The following FBXL5 variants were observed in gnomAD, a reference collection of about 807,000 sequenced individuals.
The protein encoded by FBXL5 is F-box/LRR-repeat protein 5.
Under a neutral mutation model 78.3 loss-of-function variants are expected in FBXL5, and 26 were observed. The observed-to-expected ratio is 0.33, with a 90% CI of 0.24 to 0.46. The LOEUF (loss-of-function observed/expected upper bound fraction) is 0.46. Among genes scored for constraint, FBXL5 ranks in the 20% least tolerant of loss-of-function variants. The pLI is 1.00. For missense variants in FBXL5, 710 were observed against 829.2 expected (o/e 0.86, Z 1.77); for synonymous variants, 295 against 282.5 (o/e 1.04, Z -0.45).
rs1175371702 is a variant in FBXL5 at position 15,612,418 on chromosome 4, T to G, written c.1851-4A>C. 6.3e-7 allele frequency: 1 copy of G among 1,592,506 alleles called. No individual in the cohort carries two copies. Among genetic ancestry groups the G allele is most frequent in the Admixed American group, 1.8e-5 (1 of 56,600 alleles). On this transcript the variant is annotated splice_region_variant and splice_polypyrimidine_tract_variant and intron_variant, in intron 9 of 10. Transcript: ENST00000341285. ...CCCTCCTCCCAGAGTCAAAACCCTG[T>G]AAGAAAAATAATTTGACAATTAGAA... is the stretch of plus-strand genomic sequence containing the variant.
intron 1 of FBXL5, among the ~76,000 whole-genome samples, chr4:15,667,246 T>C (rs969448395): frequency 1.3e-5 from 2 of 152,206 alleles, no homozygotes; most frequent in Non-Finnish European, 2.9e-5. Flanking sequence ...TTAACCTTGA[T>C]GGCAGTCCAT....
At chr4:15,607,089 T>C (rs2148508698) in intron 10 of FBXL5, among the ~76,000 whole-genome samples, 1 of 152,246 alleles carries the variant, frequency 6.6e-6, no homozygotes, top group Non-Finnish European at 1.5e-5. Context: ...ATTACGCAAA[T>C]ATGTGGAACT....
At chr4:15,610,285 T>C (rs367786398) in intron 10 of FBXL5, among the ~76,000 whole-genome samples, 3 of 152,110 alleles carry the variant, frequency 2.0e-5, no homozygotes, top group South Asian at 2.1e-4. Flanking sequence ...TGAGAGAGCA[T>C]TGCTTTAAGA....
intron 5 of FBXL5, among the ~76,000 whole-genome samples, chr4:15,635,635 C>T (rs62290592): frequency 0.022 from 3,312 of 151,878 alleles, 58 homozygotes; most frequent in Non-Finnish European, 0.033. Context: ...CGCCTGTAAT[C>T]CCAGCTACTT....
upstream of FBXL5, among the ~76,000 whole-genome samples, chr4:15,662,628 G>A (rs1417726467): frequency 2.6e-5 from 4 of 152,124 alleles, no homozygotes; most frequent in Non-Finnish European, 4.4e-5. Flanking sequence ...TGAGCCTCTC[G>A]TCACCATTCC....
At chr4:15,633,728 G>A (rs1162010310) in intron 5 of FBXL5, among the ~76,000 whole-genome samples, 9 of 152,092 alleles carry the variant, frequency 5.9e-5, no homozygotes, top group African/African-American at 2.2e-4. Context: ...AAGTAGCTGG[G>A]ATAACAGGAA....
intron 1 of FBXL5, among the ~76,000 whole-genome samples, chr4:15,646,487 A>T (rs1203592761): frequency 6.6e-6 from 1 of 151,900 alleles, no homozygotes; most frequent in Non-Finnish European, 1.5e-5. Context: ...CAAACTTAAA[A>T]ATAGCCTTAG....
At chr4:15,614,780 A>G (rs4698116) in intron 9 of FBXL5, among the ~76,000 whole-genome samples, 114,807 of 152,032 alleles carry the variant, frequency 0.76, 43,617 homozygotes, top group East Asian at 0.91. Flanking sequence ...GCTTGCTCTC[A>G]GCACCTCCTC....
At chr4:15,612,543 A>G (rs1722341404) in intron 9 of FBXL5, 129 bp from the exon 10 acceptor site, 3 of 796,642 alleles carry the variant, frequency 3.8e-6, no homozygotes, top group Non-Finnish European at 5.8e-6. Context: ...AATTTCTGTA[A>G]AACACTGATA....
At chr4:15,615,116 G>A (rs945988876) in intron 9 of FBXL5, among the ~76,000 whole-genome samples, 8 of 152,168 alleles carry the variant, frequency 5.3e-5, no homozygotes, top group East Asian at 1.9e-4. Flanking sequence ...CCGGCACCGC[G>A]CTCGATTTCT....
chr4:15,628,188 A>G (rs539295378), intron 6 of FBXL5, among the ~76,000 whole-genome samples, 155 bp from the exon 7 acceptor site: 8 of 152,286 alleles, frequency 5.3e-5, no homozygotes, highest in Admixed American at 3.3e-4. Flanking sequence ...AAGGTTTTGG[A>G]AAAAAATGTG....
At chr4:15,627,129 C>CTTTTTTTTT (rs1491071832) in intron 7 of FBXL5, among the ~76,000 whole-genome samples, 174 bp from the exon 8 acceptor site, 2 of 85,660 alleles carry the variant, frequency 2.3e-5, no homozygotes, top group African/African-American at 5.1e-5. Context: ...CCCTGAGAAT[C>CTTTTTTTTT]TCTTTTTTTT....
At chr4:15,650,347 T>G (rs1367961000) in intron 1 of FBXL5, among the ~76,000 whole-genome samples, 4 of 152,166 alleles carry the variant, frequency 2.6e-5, no homozygotes, top group Non-Finnish European at 5.9e-5. Flanking sequence ...CACAAACACT[T>G]CAAACAAATT....
intron 1 of FBXL5, among the ~76,000 whole-genome samples, chr4:15,650,657 CTTTCTT>C (rs1464373885): frequency 6.0e-5 from 8 of 132,634 alleles, no homozygotes; most frequent in East Asian, 2.3e-4. Flanking sequence ...TTATAACTGA[CTTTCTT>C]TTTTTTTTTT....
intron 8 of FBXL5, 47 bp downstream of exon 8, chr4:15,626,826 T>A (rs1221942303): frequency 7.6e-7 from 1 of 1,318,148 alleles, no homozygotes; most frequent in Non-Finnish European, 1.0e-6. Flanking sequence ...AAATGAAACC[T>A]TATAAAATAG....
intron 3 of FBXL5, 60 bp from the exon 4 acceptor site, chr4:15,638,754 C>A: frequency 9.2e-7 from 1 of 1,088,162 alleles, no homozygotes. Flanking sequence ...TTACTCTAAA[C>A]CCTTTTAAAT....
At chr4:15,615,868 C>T (rs1433317723) in intron 9 of FBXL5, among the ~76,000 whole-genome samples, 1 of 152,146 alleles carries the variant, frequency 6.6e-6, no homozygotes, top group Non-Finnish European at 1.5e-5. Flanking sequence ...CCAGCATTGG[C>T]AACCCGCTCA....
intron 8 of FBXL5, among the ~76,000 whole-genome samples, chr4:15,626,545 A>T (rs1713083330): frequency 6.6e-6 from 1 of 152,226 alleles, no homozygotes; most frequent in African/African-American, 2.4e-5. Flanking sequence ...AGAATCTAAG[A>T]GGGAGCTTTG....
In FBXL5 at chr4:15,636,565, C is replaced by T; in HGVS notation, c.695G>A (p.Ser232Asn). 1 of 1,613,968 alleles carries T rather than the reference C, an allele frequency of 6.2e-7. No individual in the cohort carries two copies. Among genetic ancestry groups the T allele is most frequent in the Non-Finnish European group, 8.5e-7 (1 of 1,179,932 alleles). The change falls in exon 5 of 11, where the codon AGC (serine) becomes AAC (asparagine). Residue 232 changes from serine (S) to asparagine (N), a missense_variant. Physicochemically the swap from Ser to Asn is conservative, Grantham distance 46. Around this residue, in one of 4 missense-constraint regions of FBXL5, gnomAD observed 517 missense variants for 542.9 expected, o/e 0.95. Coordinates refer to ENST00000341285, the MANE Select transcript of FBXL5 (RefSeq NM_012161.4). ...PQELCRCSQV[S>N]MKWSQLTKTG... ...TTTTGTCAGCTGAGACCATTTCATG[C>T]TTACTTGACTGCATCGACATAACTC...
Sources: gnomAD v4.1 joint callset for allele counts (sites outside exome capture counted in the v4.1 genomes callset) on GRCh38, gnomAD v4.1.1 for gene constraint, gnomAD v4.1.1 regional missense constraint, MANE v1.5 for transcripts, NCBI Gene and HGNC (gene_info 2026-07-23, HGNC 2026-07-21) for gene names.